AQR: variants seen among roughly 807,000 people sequenced by gnomAD.
AQR encodes RNA helicase aquarius.
In AQR, 61 loss-of-function variants were observed where a neutral mutation model predicts 180.5. That is an observed-to-expected ratio of 0.34 (90% CI 0.28 to 0.42). The LOEUF (loss-of-function observed/expected upper bound fraction) is 0.42. Ranked by LOEUF, AQR falls within the 10% of genes least tolerant of loss-of-function variation. The pLI is 1.00. For synonymous variants in AQR, 551 were observed against 588.8 expected (o/e 0.94, Z 0.93); for missense variants, 1,281 against 1,798.3 (o/e 0.71, Z 5.20).
At chr15:34,872,314 G>T (rs904783973) in intron 30 of AQR, among the ~76,000 whole-genome samples, 1 of 152,038 alleles carries the variant, frequency 6.6e-6, no homozygotes, top group Non-Finnish European at 1.5e-5. Flanking sequence ...TTCTTATTTT[G>T]GGGGACAGTG....
intron 23 of AQR, among the ~76,000 whole-genome samples, chr15:34,893,302 C>T (rs1893178483): frequency 6.6e-6 from 1 of 152,068 alleles, no homozygotes; most frequent in African/African-American, 2.4e-5. Flanking sequence ...ATATAAACTA[C>T]CCCGATTGGC....
chr15:34,870,616 GTTAT>G (rs1429082373), intron 31 of AQR, 132 bp downstream of exon 31: 2 of 679,808 alleles, frequency 2.9e-6, no homozygotes, highest in African/African-American at 1.8e-5. Context: ...CTGTCAGAGA[GTTAT>G]TTATAGTTCC....
chr15:34,959,990 A>C (rs1289704330), intron 3 of AQR, among the ~76,000 whole-genome samples: 1 of 152,232 alleles, frequency 6.6e-6, no homozygotes, highest in Admixed American at 6.5e-5. Context: ...AAGAAAAAAA[A>C]CAAACAAACC....
intron 20 of AQR, among the ~76,000 whole-genome samples, chr15:34,898,252 C>T (rs2140475349): frequency 6.6e-6 from 1 of 152,212 alleles, no homozygotes; most frequent in South Asian, 2.1e-4. Context: ...AGGGTCATAA[C>T]CTGGGGTTAG....
chr15:34,926,917 G>C lies in AQR; in HGVS notation c.1118+118C>G, dbSNP rs926675292. The C allele has an allele frequency of 6.1e-5, 31 of 507,918 alleles. 1 individual carries two copies. The South Asian group carries it at 1.6e-3, about 26-fold the overall frequency. 31.5% of individuals were successfully genotyped at this position (507,918 alleles called of 1,614,324 possible). On this transcript the variant is annotated intron_variant, in intron 13 of 34. Transcript: ENST00000156471. ...CACTAGTTGTAGACGTCAACGAAGA[G>C]TGAAATAACAAGTAATATTATCTAA...
chr15:34,892,865 TG>T (rs748495685), intron 23 of AQR, among the ~76,000 whole-genome samples: 3 of 152,206 alleles, frequency 2.0e-5, no homozygotes, highest in Non-Finnish European at 2.9e-5. Context: ...AATGGTTGTA[TG>T]GGTACTTGAA....
chr15:34,942,270 G>T (rs1018917010), intron 6 of AQR, among the ~76,000 whole-genome samples, 190 bp from the exon 7 acceptor site: 2 of 152,128 alleles, frequency 1.3e-5, no homozygotes, highest in African/African-American at 4.8e-5. Context: ...TACAGATTTT[G>T]TACTTGCAAA....
intron 31 of AQR, chr15:34,869,980 C>T (rs1318310084): frequency 6.6e-6 from 1 of 152,068 alleles, no homozygotes; most frequent in East Asian, 1.9e-4. Flanking sequence ...GTGCTAGTTC[C>T]CTTTATACTA....
chr15:34,893,460 A>G (rs1412352035), intron 23 of AQR, among the ~76,000 whole-genome samples: 2 of 152,210 alleles, frequency 1.3e-5, no homozygotes, highest in African/African-American at 4.8e-5. Context: ...GGCATGCCAG[A>G]ATATATTAGG....
chr15:34,867,785 AATCAG>A, intron 31 of AQR, 176 bp from the exon 32 acceptor site: 1 of 539,676 alleles, frequency 1.9e-6, no homozygotes, highest in Admixed American at 3.7e-5. Context: ...AAACCATACT[AATCAG>A]ATCAAACTAC....
intron 32 of AQR, 111 bp downstream of exon 32, chr15:34,867,413 A>G (rs1892750466): frequency 1.2e-6 from 1 of 865,426 alleles, no homozygotes; most frequent in Non-Finnish European, 1.8e-6. Flanking sequence ...AAAGTTGCCT[A>G]GTAATTATAG....
At position 34,948,502 on chromosome 15, in the gene AQR, A is replaced by G. The variant is rs578022538; in HGVS notation, c.210-118T>C. The G allele has an allele frequency of 6.7e-6, 9 of 1,340,508 alleles. No individual in the cohort carries two copies. The African/African-American group carries it at 8.9e-5, about 13-fold the overall frequency. The allele number at this position is 1,340,508 out of a possible 1,614,324, so 83.0% of individuals were successfully genotyped here. On this transcript the variant is annotated intron_variant, in intron 4 of 34. Transcript: ENST00000156471. ...TTCTGAAAATATTTTGGAAATCTCT[A>G]TTTATAACTTGGAATCCTTGGCTGG...
At chr15:34,886,685 T>A (rs759355892) in intron 24 of AQR, 24 bp from the exon 25 acceptor site, 3 of 1,587,282 alleles carry the variant, frequency 1.9e-6, no homozygotes, top group Non-Finnish European at 8.5e-7. Context: ...TTAGGCAAAA[T>A]GACAAAACTG....
intron 26 of AQR, 95 bp from the exon 27 acceptor site, chr15:34,882,734 A>AGT: frequency 9.1e-7 from 1 of 1,094,954 alleles, no homozygotes; most frequent in Non-Finnish European, 1.3e-6. Context: ...TGAGAAATTA[A>AGT]CATAAATATA....
At chr15:34,946,617 C>T (rs1229938397) in intron 5 of AQR, among the ~76,000 whole-genome samples, 41 of 145,796 alleles carry the variant, frequency 2.8e-4, no homozygotes, top group Non-Finnish European at 4.7e-4. Context: ...CCGCCCCATC[C>T]GGGAGGTGAG....
At chr15:34,883,507 T>C (rs1893007006) in intron 26 of AQR, among the ~76,000 whole-genome samples, 1 of 152,190 alleles carries the variant, frequency 6.6e-6, no homozygotes, top group Non-Finnish European at 1.5e-5. Context: ...ATAAACATAA[T>C]ACATTTATTA....
chr15:34,915,469 C>T (rs1490677424), intron 15 of AQR, among the ~76,000 whole-genome samples: 2 of 151,636 alleles, frequency 1.3e-5, no homozygotes, highest in Non-Finnish European at 2.9e-5. Flanking sequence ...AGATTACAGG[C>T]GTGAGCCACC....
rs533032492 is a variant in AQR at position 34,897,016 on chromosome 15, A to G, written c.2391-50T>C. On this transcript the variant is annotated intron_variant, in intron 21 of 34. Coordinates refer to ENST00000156471, the MANE Select transcript of AQR (RefSeq NM_014691.3). The stretch of plus-strand genomic sequence containing the variant: ...TTGGTACAGATAAATGATGCTTTGT[A>G]TAATACAAATTTAGACAACAATGAC... 415 of 1,435,586 alleles carry G rather than the reference A, an allele frequency of 2.9e-4. 1 individual carries two copies. In the South Asian group the frequency reaches 3.6e-3, roughly 12 times the overall value. The allele number at this position is 1,435,586 out of a possible 1,614,324, so 88.9% of individuals were successfully genotyped here.
chr15:34,934,527 C>T (rs769515462), intron 10 of AQR, 44 bp downstream of exon 10: 2 of 1,419,610 alleles, frequency 1.4e-6, no homozygotes, highest in South Asian at 1.3e-5. Context: ...AATCTTAGAC[C>T]CCCTAATGAT....
Sources: allele counts gnomAD v4.1 joint callset (sites outside exome capture counted in the v4.1 genomes callset), GRCh38; gene constraint gnomAD v4.1.1; transcripts MANE v1.5; gene names NCBI Gene and HGNC (gene_info 2026-07-23, HGNC 2026-07-21).